SENP7: variants seen among roughly 807,000 people sequenced by gnomAD.
The protein encoded by SENP7 is SUMO specific peptidase 7, also known as sentrin-specific protease 7.
A neutral mutation model predicts 141.2 loss-of-function variants in SENP7; 64 were observed. The observed-to-expected ratio is 0.45, with a 90% CI of 0.37 to 0.56. The LOEUF (loss-of-function observed/expected upper bound fraction) is 0.56, where lower values mean the gene tolerates loss of function less well. Ranked by LOEUF, SENP7 falls within the 20% of genes least tolerant of loss-of-function variation. The probability of loss-of-function intolerance (pLI) is 0.00; values close to 1 mark genes in which losing one functional copy is unlikely to be tolerated. For missense variants in SENP7, 1,025 were observed against 1,212.2 expected (o/e 0.85, Z 2.29); for synonymous variants, 382 against 426.4 (o/e 0.90, Z 1.28).
chr3:101,340,439 G>A, intron 15 of SENP7: 1 of 482,494 alleles, frequency 2.1e-6, no homozygotes, highest in Non-Finnish European at 3.5e-6. Context: ...CTTCCCATGT[G>A]GGCTAGTCTT....
At position 101,513,134 on chromosome 3, in the gene SENP7, C is replaced by T; in HGVS notation, c.-4G>A. ...GCCCGAGCTTTCTCTTGTCCATCTT[C>T]TCCCGCTGCTGAAATTTCAGTTGCA... On this transcript the variant is annotated 5_prime_UTR_variant, in exon 1 of 24. Transcript: ENST00000394095. 1 of 1,577,834 alleles carries T rather than the reference C, an allele frequency of 6.3e-7. No individual in the cohort carries two copies. The highest frequency in any genetic ancestry group is 8.6e-7 in the Non-Finnish European group (1 of 1,158,856).
chr3:101,368,929 T>C (rs1275037469), intron 7 of SENP7, among the ~76,000 whole-genome samples: 3 of 152,206 alleles, frequency 2.0e-5, no homozygotes, highest in East Asian at 1.9e-4. Context: ...CTTTGCTCTG[T>C]AGTTGGCTAT....
chr3:101,377,011 C>G (rs1402390629), intron 6 of SENP7, among the ~76,000 whole-genome samples: 2 of 151,706 alleles, frequency 1.3e-5, no homozygotes, highest in East Asian at 1.9e-4. Flanking sequence ...TATTTATTAG[C>G]CTTGTGGAAG....
chr3:101,464,377 G>A lies in SENP7; in HGVS notation c.187-5325C>T, dbSNP rs559282625. Among the ~76,000 whole-genome samples, 6 of 152,268 alleles carry A rather than the reference G, an allele frequency of 3.9e-5. No homozygotes were observed. In the East Asian group the frequency reaches 1.2e-3, roughly 29 times the overall value. ...AACCAGGCCGCACAGCAGGAGGTGA[G>A]CGGCAAGTGAGCAACTGAAACTTCA... is the stretch of plus-strand genomic sequence containing the variant. On this transcript the variant is annotated intron_variant, in intron 3 of 23. Transcript: ENST00000394095.
intron 4 of SENP7, among the ~76,000 whole-genome samples, chr3:101,430,668 T>C (rs912758694): frequency 2.0e-5 from 3 of 152,138 alleles, no homozygotes; most frequent in African/African-American, 7.2e-5. Flanking sequence ...TTTTGAAGGG[T>C]TTTTTGTGTC....
intron 5 of SENP7, among the ~76,000 whole-genome samples, chr3:101,399,690 A>T (rs1304217640): frequency 6.6e-6 from 1 of 152,238 alleles, no homozygotes; most frequent in African/African-American, 2.4e-5. Flanking sequence ...GCAGTGACAC[A>T]ATCACAGCTC....
intron 8 of SENP7, 138 bp from the exon 9 acceptor site, chr3:101,366,907 A>T (rs968590937): frequency 7.4e-5 from 44 of 593,758 alleles, no homozygotes; most frequent in Non-Finnish European, 1.1e-4. Flanking sequence ...ATTATACTAC[A>T]TTATACTTGC....
chr3:101,367,436 T>C (rs182006402), intron 8 of SENP7, among the ~76,000 whole-genome samples: 1 of 151,996 alleles, frequency 6.6e-6, no homozygotes, highest in Admixed American at 6.5e-5. Context: ...ATTTGATAAG[T>C]AAATTGCTAC....
intron 6 of SENP7, among the ~76,000 whole-genome samples, chr3:101,377,640 A>G (rs1369926960): frequency 6.6e-6 from 1 of 152,218 alleles, no homozygotes; most frequent in Non-Finnish European, 1.5e-5. Flanking sequence ...CCTGCCCTCA[A>G]GAAAAACTAT....
intron 6 of SENP7, among the ~76,000 whole-genome samples, chr3:101,385,971 T>C (rs2060640994): frequency 6.6e-6 from 1 of 152,130 alleles, no homozygotes; most frequent in Non-Finnish European, 1.5e-5. Flanking sequence ...AAGAAAGATC[T>C]GTGAAAGGAC....
chr3:101,393,322 CA>C (rs1157000586), intron 6 of SENP7, among the ~76,000 whole-genome samples: 2 of 151,774 alleles, frequency 1.3e-5, no homozygotes, highest in African/African-American at 4.8e-5. Context: ...GTAACAAAAG[CA>C]AAAAACAGAC....
intron 5 of SENP7, among the ~76,000 whole-genome samples, chr3:101,402,715 C>T (rs556644041): frequency 2.0e-5 from 3 of 151,540 alleles, no homozygotes; most frequent in South Asian, 2.1e-4. Context: ...CTGTTTACAG[C>T]GTGGATCACT....
chr3:101,344,991 C>CAAAA (rs71132568), intron 13 of SENP7, among the ~76,000 whole-genome samples: 3 of 61,352 alleles, frequency 4.9e-5, no homozygotes, highest in African/African-American at 2.0e-4. Context: ...AAAAAGAAAG[C>CAAAA]AAAAAAAAAA....
chr3:101,423,788 C>G (rs2061860423), intron 4 of SENP7, among the ~76,000 whole-genome samples: 1 of 152,086 alleles, frequency 6.6e-6, no homozygotes, highest in South Asian at 2.1e-4. Flanking sequence ...CCCAGTGACT[C>G]TGGGGGGCAA....
chr3:101,450,263 G>A (rs2063075634), intron 4 of SENP7, among the ~76,000 whole-genome samples: 2 of 152,082 alleles, frequency 1.3e-5, no homozygotes, highest in Admixed American at 6.5e-5. Flanking sequence ...CAATAATAAT[G>A]GGAGACTTTA....
chr3:101,378,156 C>CA (rs566606758), intron 6 of SENP7, among the ~76,000 whole-genome samples: 123 of 130,550 alleles, frequency 9.4e-4, no homozygotes, highest in African/African-American at 2.4e-3. Context: ...TCCAACTATC[C>CA]AAAAAAAAAC....
At chr3:101,405,583 C>G (rs2061278704) in intron 5 of SENP7, among the ~76,000 whole-genome samples, 1 of 152,106 alleles carries the variant, frequency 6.6e-6, no homozygotes, top group African/African-American at 2.4e-5. Context: ...GAAGAAATCC[C>G]TGATTTACCT....
intron 23 of SENP7, among the ~76,000 whole-genome samples, chr3:101,327,074 T>C (rs950158479): frequency 1.3e-5 from 2 of 152,124 alleles, no homozygotes; most frequent in African/African-American, 4.8e-5. Flanking sequence ...TTTTGTTTCA[T>C]CTTTGGCTTT....
At chr3:101,445,084 G>A (rs1353608610) in intron 4 of SENP7, among the ~76,000 whole-genome samples, 1 of 151,976 alleles carries the variant, frequency 6.6e-6, no homozygotes, top group East Asian at 1.9e-4. Context: ...TCTAAAAATA[G>A]CAAGAGAAGA....
Sources: gnomAD v4.1 joint callset for allele counts (sites outside exome capture counted in the v4.1 genomes callset) on GRCh38, gnomAD v4.1.1 for gene constraint, MANE v1.5 for transcripts, NCBI Gene and HGNC (gene_info 2026-07-23, HGNC 2026-07-21) for gene names.